PDE8A: variants seen among roughly 807,000 people sequenced by gnomAD.
The protein encoded by PDE8A is phosphodiesterase 8A.
A neutral mutation model predicts 105.0 loss-of-function variants in PDE8A; 59 were observed. That is an observed-to-expected ratio of 0.56 (90% CI 0.46 to 0.70). PDE8A has a LOEUF of 0.70. Among genes scored for constraint, PDE8A ranks in the 30% least tolerant of loss-of-function variants. The pLI is 0.00. For missense variants in PDE8A, 1,014 were observed against 1,045.9 expected (o/e 0.97, Z 0.42); for synonymous variants, 355 against 371.9 (o/e 0.95, Z 0.52).
At position 85,113,919 on chromosome 15, in the gene PDE8A, T is replaced by C. The variant is rs759969174; in HGVS notation, c.1232T>C (p.Val411Ala). Residue 411 changes from valine (V) to alanine (A), a missense_variant, in exon 14 of 22, where the codon GTG becomes GCG. Val to Ala is a moderately conservative substitution (Grantham distance 64). Coordinates refer to ENST00000394553, the MANE Select transcript of PDE8A (RefSeq NM_002605.3). Reference protein sequence around the residue: ...NAAQESSPMPVTEALDRVLEI... With the variant: ...NAAQESSPMPATEALDRVLEI... ...GCCCAGGAAAGTAGTCCCATGCCTG[T>C]GACAGAAGCCCTAGACCGTGTGCTG... The C allele has an allele frequency of 5.0e-6, 8 of 1,613,420 alleles. No homozygotes were observed. In the South Asian group the frequency reaches 8.8e-5, roughly 18 times the overall value.
chr15:85,101,716 C>T (rs1199105572), intron 11 of PDE8A, among the ~76,000 whole-genome samples: 1 of 151,954 alleles, frequency 6.6e-6, no homozygotes, highest in Non-Finnish European at 1.5e-5. Flanking sequence ...AAACAATGGC[C>T]AGGGAATAAT....
chr15:85,124,559 T>G (rs1206741972), intron 19 of PDE8A, among the ~76,000 whole-genome samples: 2 of 152,316 alleles, frequency 1.3e-5, no homozygotes, highest in East Asian at 3.9e-4. Context: ...GCAATTCATT[T>G]GTTTGGCCAT....
chr15:85,071,398 A>G (rs1330578682), intron 3 of PDE8A, among the ~76,000 whole-genome samples: 1 of 152,228 alleles, frequency 6.6e-6, no homozygotes, highest in Non-Finnish European at 1.5e-5. Flanking sequence ...TACTTTCTGC[A>G]TCTACTCAGA....
chr15:85,021,435 G>C (rs1275310864), intron 1 of PDE8A, among the ~76,000 whole-genome samples: 2 of 152,038 alleles, frequency 1.3e-5, no homozygotes, highest in East Asian at 3.9e-4. Flanking sequence ...CCTAGCTACT[G>C]GGGTTGGGGG....
At chr15:84,998,566 C>A (rs2080016481) in intron 1 of PDE8A, among the ~76,000 whole-genome samples, 1 of 152,162 alleles carries the variant, frequency 6.6e-6, no homozygotes, top group Non-Finnish European at 1.5e-5. Context: ...CAGTTTGTAA[C>A]CCATGCATTT....
At chr15:85,018,877 A>AT (rs1295571640) in intron 1 of PDE8A, among the ~76,000 whole-genome samples, 2 of 152,116 alleles carry the variant, frequency 1.3e-5, no homozygotes, top group Non-Finnish European at 2.9e-5. Flanking sequence ...CTCTTGGATC[A>AT]TTTTTACTTT....
chr15:85,023,872 C>T (rs1051121543), intron 1 of PDE8A, among the ~76,000 whole-genome samples: 2 of 152,040 alleles, frequency 1.3e-5, no homozygotes, highest in Non-Finnish European at 2.9e-5. Context: ...AGTATTGAGG[C>T]CAGATGGCAT....
intron 1 of PDE8A, among the ~76,000 whole-genome samples, chr15:84,989,711 C>T (rs1380697051): frequency 6.6e-6 from 1 of 152,228 alleles, no homozygotes; most frequent in African/African-American, 2.4e-5. Context: ...GTTTTGTAAA[C>T]TCCAAGACAC....
chr15:85,017,516 AGT>A, intron 1 of PDE8A, among the ~76,000 whole-genome samples: 1 of 152,344 alleles, frequency 6.6e-6, no homozygotes, highest in East Asian at 1.9e-4. Context: ...TATACAAAAT[AGT>A]GTGTCTTGTT....
intron 16 of PDE8A, 147 bp downstream of exon 16, chr15:85,116,266 C>G: frequency 7.2e-6 from 5 of 698,090 alleles, no homozygotes; most frequent in Non-Finnish European, 9.3e-6. Flanking sequence ...CCAGGTGGCT[C>G]TGAGTCACCA....
intron 1 of PDE8A, among the ~76,000 whole-genome samples, chr15:85,019,377 A>G (rs899138634): frequency 6.6e-6 from 1 of 152,144 alleles, no homozygotes; most frequent in Non-Finnish European, 1.5e-5. Context: ...CATTTAAAAA[A>G]TTTTTGATTT....
chr15:85,077,859 G>A (rs947091093), intron 5 of PDE8A, among the ~76,000 whole-genome samples: 2 of 151,734 alleles, frequency 1.3e-5, no homozygotes, highest in African/African-American at 4.9e-5. Flanking sequence ...TGAAAACACA[G>A]TAATTGAACA....
In PDE8A at chr15:84,989,935, T is replaced by C. The variant is rs2079860510; in HGVS notation, c.186+7587T>C. Among the ~76,000 whole-genome samples, 3 of 152,246 alleles carry C rather than the reference T, an allele frequency of 2.0e-5. No individual in the cohort carries two copies. In the South Asian group the frequency reaches 6.2e-4, roughly 31 times the overall value. ...TTAACAGTTTTCTATATTTGTCTTA[T>C]ATCTGTCCACTCCTTTATCCATCCA... On this transcript the variant is annotated intron_variant, in intron 1 of 21. Coordinates refer to ENST00000394553, the MANE Select transcript of PDE8A (RefSeq NM_002605.3).
In PDE8A at chr15:85,029,416, C is replaced by CTTTT. The variant is rs34741081; in HGVS notation, c.187-34943_187-34940dup. Among the ~76,000 whole-genome samples the CTTTT allele has an allele frequency of 7.4e-3, 1,038 of 139,672 alleles. 22 individuals are homozygous for CTTTT. Among genetic ancestry groups the CTTTT allele is most frequent in the African/African-American group, 0.026 (980 of 37,456 alleles). The allele number at this position is 139,672 out of a possible 152,430, so 91.6% of individuals were successfully genotyped here. ...TCAGATCTGTTTTGTCCTCACGGGT[C>CTTTT]TTTTTTTTTTTTTTAATGACTTTAT... On this transcript the variant is annotated intron_variant, in intron 1 of 21. Transcript: ENST00000394553.
At chr15:85,124,324 T>C (rs1331554358) in intron 19 of PDE8A, among the ~76,000 whole-genome samples, 1 of 152,196 alleles carries the variant, frequency 6.6e-6, no homozygotes, top group Non-Finnish European at 1.5e-5. Flanking sequence ...GTGCCTATTA[T>C]ACTAGATTCA....
At chr15:85,054,522 C>A (rs1324128908) in intron 1 of PDE8A, among the ~76,000 whole-genome samples, 1 of 152,180 alleles carries the variant, frequency 6.6e-6, no homozygotes, top group Non-Finnish European at 1.5e-5. Flanking sequence ...AGGGATTCAG[C>A]TTCTTCCTGG....
At chr15:85,093,060 C>T (rs1323178253) in intron 8 of PDE8A, among the ~76,000 whole-genome samples, 3 of 151,956 alleles carry the variant, frequency 2.0e-5, no homozygotes, top group African/African-American at 7.3e-5. Flanking sequence ...GGGCACATGC[C>T]GTCATGCCTA....
chr15:85,023,200 G>A (rs879323679), intron 1 of PDE8A, among the ~76,000 whole-genome samples: 1 of 152,164 alleles, frequency 6.6e-6, no homozygotes, highest in Non-Finnish European at 1.5e-5. Context: ...GCAGGTACAC[G>A]TCTTGAGGAC....
intron 1 of PDE8A, among the ~76,000 whole-genome samples, chr15:85,039,776 C>G (rs1294183261): frequency 6.6e-6 from 1 of 152,224 alleles, no homozygotes; most frequent in African/African-American, 2.4e-5. Context: ...ACTATTCAGC[C>G]TGTCATTTGT....
Sources: gnomAD v4.1 joint callset for allele counts (sites outside exome capture counted in the v4.1 genomes callset) on GRCh38, gnomAD v4.1.1 for gene constraint, MANE v1.5 for transcripts, NCBI Gene and HGNC (gene_info 2026-07-23, HGNC 2026-07-21) for gene names.